Variants in LRRC8D observed in about 807,000 individuals in gnomAD.
LRRC8D encodes the protein volume-regulated anion channel subunit LRRC8D.
Under a neutral mutation model 55.8 loss-of-function variants are expected in LRRC8D, and 20 were observed. The ratio of observed to expected loss-of-function variants is 0.36; its 90% CI spans 0.25 to 0.52. The LOEUF (loss-of-function observed/expected upper bound fraction) is 0.52. Among genes scored for constraint, LRRC8D ranks in the 20% least tolerant of loss-of-function variants. LRRC8D has a pLI of 0.93. For missense variants in LRRC8D, 651 were observed against 1,030.8 expected, an observed-to-expected ratio of 0.63 and a Z score of 5.05; for synonymous variants, 352 against 377.0, an observed-to-expected ratio of 0.93 and a Z score of 0.77.
chr1:89,823,878 G>C (rs1660700886), intron 1 of LRRC8D, among the ~76,000 whole-genome samples: 2 of 152,206 alleles, frequency 1.3e-5, no homozygotes, highest in Non-Finnish European at 2.9e-5. Context: ...AATCTGAATT[G>C]ACTTTTGACA....
chr1:89,879,016 T>C (rs1342805949), intron 2 of LRRC8D, among the ~76,000 whole-genome samples: 1 of 150,554 alleles, frequency 6.6e-6, no homozygotes, highest in Admixed American at 6.6e-5. Flanking sequence ...CATGAAGGAC[T>C]GGATTGCGCA....
At chr1:89,852,725 A>G (rs1039493873) in intron 2 of LRRC8D, among the ~76,000 whole-genome samples, 2 of 152,188 alleles carry the variant, frequency 1.3e-5, no homozygotes, top group Non-Finnish European at 2.9e-5. Context: ...TTGGTGCTGA[A>G]TTTTGAGAGG....
At chr1:89,879,078 A>AC (rs1053770239) in intron 2 of LRRC8D, among the ~76,000 whole-genome samples, 16 of 150,122 alleles carry the variant, frequency 1.1e-4, no homozygotes, top group East Asian at 2.0e-4. Flanking sequence ...ACATCCGTGC[A>AC]CCCCCCTGCT....
rs142020424 is a variant in LRRC8D, at chr1:89,838,843, A to T, written c.-147-4795A>T. Among the ~76,000 whole-genome samples, 16 of 152,338 alleles carry T rather than the reference A, an allele frequency of 1.1e-4. 1 individual carries two copies. The East Asian group carries it at 3.1e-3, about 29-fold the overall frequency. ...TAAAATAATATCCAGCTGCAGCTCA[A>T]GTGCATATTTTACCTAATTTATATC... On this transcript the variant is annotated intron_variant, in intron 1 of 2. Coordinates refer to ENST00000337338, the MANE Select transcript of LRRC8D (RefSeq NM_001134479.2).
Position 89,933,654 on chromosome 1 carries a change from T to G in LRRC8D, c.586T>G (p.Phe196Val). The change falls in exon 3 of 3, where the codon TTT (phenylalanine) becomes GTT (valine). Residue 196 changes from phenylalanine (F) to valine (V), a missense_variant. Physicochemically the swap from Phe to Val is conservative, Grantham distance 50 (BLOSUM62 -1). This residue lies in a region of LRRC8D where 178 missense variants were observed against 374.9 expected (regional missense o/e 0.47). Coordinates refer to ENST00000337338, the MANE Select transcript of LRRC8D (RefSeq NM_001134479.2). This position sits in a 1 kb window ranked among gnomAD's most constrained non-coding sequence, Gnocchi z 7.0. ...CAAAACATGCTCAAAAGTAGAACAT[T>G]TTGTTTCAATATTAGGAAAGTGCTT... ...YPKTCSKVEH[F>V]VSILGKCFES... 1 of 1,614,138 alleles carries G rather than the reference T, an allele frequency of 6.2e-7. No individual in the cohort carries two copies. The highest frequency in any genetic ancestry group is 8.5e-7 in the Non-Finnish European group (1 of 1,180,026).
chr1:89,933,117 T>A lies in LRRC8D; in HGVS notation c.49T>A (p.Tyr17Asn). ...VASLNDIQPT[Y>N]RILKPWWDVF... The stretch of plus-strand genomic sequence containing the variant: ...ATCACTTAATGACATTCAGCCAACT[T>A]ACCGAATCCTGAAACCATGGTGGGA... The change falls in exon 3 of 3, where the codon TAC (tyrosine) becomes AAC (asparagine). Residue 17 changes from tyrosine (Y) to asparagine (N), a missense_variant. This residue lies in a region of LRRC8D where 15 missense variants were observed against 22.0 expected (regional missense o/e 0.68). Coordinates refer to ENST00000337338, the MANE Select transcript of LRRC8D (RefSeq NM_001134479.2). The surrounding 1 kb of genome is among the most constrained non-coding windows in gnomAD (Gnocchi z 7.0). 1 of 1,613,348 alleles carries A rather than the reference T, an allele frequency of 6.2e-7. No homozygotes were observed. The highest frequency in any genetic ancestry group is 8.5e-7 in the Non-Finnish European group (1 of 1,179,260).
intron 1 of LRRC8D, among the ~76,000 whole-genome samples, chr1:89,839,012 A>AT (rs147323681): frequency 0.013 from 1,957 of 152,058 alleles, 39 homozygotes; most frequent in African/African-American, 0.045. Context: ...TTAAAGTGGG[A>AT]TTTTTTTTCT....
intron 2 of LRRC8D, among the ~76,000 whole-genome samples, chr1:89,870,388 A>G (rs1406787830): frequency 6.6e-6 from 1 of 152,010 alleles, no homozygotes; most frequent in African/African-American, 2.4e-5. Flanking sequence ...AGGCAGGAGA[A>G]TCGCTTGAAC....
At chr1:89,893,246 A>T (rs137967048) in intron 2 of LRRC8D, among the ~76,000 whole-genome samples, 1 of 152,340 alleles carries the variant, frequency 6.6e-6, no homozygotes, top group Non-Finnish European at 1.5e-5. Context: ...GATCTGGGGA[A>T]TGAACAGTCC....
At chr1:89,914,805 G>C (rs755489209) in intron 2 of LRRC8D, among the ~76,000 whole-genome samples, 2 of 151,260 alleles carry the variant, frequency 1.3e-5, no homozygotes, top group African/African-American at 4.9e-5. Context: ...TCGAACTCCT[G>C]GGCTCAAGCA....
At chr1:89,837,977 A>G (rs193147994) in intron 1 of LRRC8D, among the ~76,000 whole-genome samples, 5 of 152,228 alleles carry the variant, frequency 3.3e-5, no homozygotes, top group African/African-American at 9.6e-5. Context: ...TTTTAAGAAC[A>G]CTTCTTAATA....
At chr1:89,857,382 C>CA (rs759975883) in intron 2 of LRRC8D, among the ~76,000 whole-genome samples, 1,409 of 62,606 alleles carry the variant, frequency 0.023, 40 homozygotes, top group Admixed American at 0.053. Context: ...AACTCCATCT[C>CA]AAAAAAAAAA....
chr1:89,901,052 A>T (rs1356790033), intron 2 of LRRC8D, among the ~76,000 whole-genome samples: 1 of 152,214 alleles, frequency 6.6e-6, no homozygotes, highest in Non-Finnish European at 1.5e-5. Flanking sequence ...ACAGACTGTG[A>T]CCATGCATTT....
intron 2 of LRRC8D, among the ~76,000 whole-genome samples, chr1:89,893,804 A>C (rs1335426262): frequency 6.6e-6 from 1 of 152,232 alleles, no homozygotes; most frequent in Admixed American, 6.5e-5. Context: ...TGGAAACTAA[A>C]GAGTTTTTTA....
chr1:89,904,520 A>G (rs1421317768), intron 2 of LRRC8D, among the ~76,000 whole-genome samples: 2 of 152,192 alleles, frequency 1.3e-5, no homozygotes, highest in Non-Finnish European at 2.9e-5. Context: ...GGACAGGGGC[A>G]TCTGAACTCA....
intron 2 of LRRC8D, among the ~76,000 whole-genome samples, chr1:89,909,347 T>C (rs1663074193): frequency 6.6e-6 from 1 of 152,126 alleles, no homozygotes; most frequent in African/African-American, 2.4e-5. Context: ...CACATATCAT[T>C]GTTTACAGAC....
intron 1 of LRRC8D, among the ~76,000 whole-genome samples, chr1:89,834,117 G>A (rs1355646107): frequency 6.6e-6 from 1 of 152,172 alleles, no homozygotes; most frequent in African/African-American, 2.4e-5. Context: ...AAAGAAAGGG[G>A]AGTACAAATA....
intron 1 of LRRC8D, among the ~76,000 whole-genome samples, chr1:89,836,890 A>G (rs1661015810): frequency 6.6e-6 from 1 of 152,240 alleles, no homozygotes; most frequent in African/African-American, 2.4e-5. Flanking sequence ...TGATTAAAAC[A>G]GCGTGAGTAA....
chr1:89,826,753 A>C (rs1427283432), intron 1 of LRRC8D, among the ~76,000 whole-genome samples: 1 of 152,154 alleles, frequency 6.6e-6, no homozygotes, highest in East Asian at 1.9e-4. Flanking sequence ...AATTGATCTA[A>C]AAGAAGGAAC....
Sources: gnomAD v4.1 joint callset for allele counts (sites outside exome capture counted in the v4.1 genomes callset) on GRCh38, gnomAD v4.1.1 for gene constraint, gnomAD v4.1.1 regional missense constraint, Gnocchi (gnomAD v3.1) non-coding constraint, MANE v1.5 for transcripts, NCBI Gene and HGNC (gene_info 2026-07-23, HGNC 2026-07-21) for gene names.